OSBPL6: variants seen among roughly 807,000 people sequenced by gnomAD.
OSBPL6 encodes oxysterol-binding protein-related protein 6.
A neutral mutation model predicts 125.8 loss-of-function variants in OSBPL6; 49 were observed. The observed-to-expected ratio is 0.39, with a 90% CI of 0.31 to 0.49. The LOEUF (loss-of-function observed/expected upper bound fraction) is 0.49. Ranked by LOEUF, OSBPL6 falls within the 20% of genes least tolerant of loss-of-function variation. The pLI is 0.88. For synonymous variants in OSBPL6, 394 were observed against 391.8 expected (o/e 1.01, Z -0.07); for missense variants, 986 against 1,135.4 (o/e 0.87, Z 1.89).
chr2:178,248,379 A>C, intron 1 of OSBPL6, among the ~76,000 whole-genome samples: 1 of 152,362 alleles, frequency 6.6e-6, no homozygotes, highest in Non-Finnish European at 1.5e-5. Context: ...GAATATTTAC[A>C]AACTTAAAAG....
intron 1 of OSBPL6, among the ~76,000 whole-genome samples, chr2:178,275,852 A>G (rs1453244048): frequency 1.3e-5 from 2 of 152,190 alleles, no homozygotes; most frequent in Non-Finnish European, 2.9e-5. Context: ...TGAACACTTT[A>G]CATGCATTAA....
intron 1 of OSBPL6, among the ~76,000 whole-genome samples, chr2:178,245,048 G>T (rs1344691756): frequency 6.6e-6 from 1 of 152,172 alleles, no homozygotes; most frequent in Non-Finnish European, 1.5e-5. Flanking sequence ...AATGTAAAAT[G>T]ACACGATGGA....
At chr2:178,274,029 G>C (rs894796131) in intron 1 of OSBPL6, among the ~76,000 whole-genome samples, 1 of 152,094 alleles carries the variant, frequency 6.6e-6, no homozygotes, top group Admixed American at 6.6e-5. Flanking sequence ...CATTGGGCAC[G>C]TGGTAAGCAA....
Position 178,249,834 on chromosome 2 carries a change from T to G in OSBPL6, c.-350-35093T>G, listed in dbSNP as rs1483202666. ...AAATCCCTAACTAGAAGTGTTTTTT[T>G]TTTTTTTTTTTGGAATCTTATATTA... On this transcript the variant is annotated intron_variant, in intron 1 of 24. Transcript: ENST00000190611. Among the ~76,000 whole-genome samples the G allele has an allele frequency of 4.6e-5, 7 of 151,748 alleles. No individual in the cohort carries two copies. The South Asian group carries it at 8.3e-4, about 18-fold the overall frequency.
chr2:178,368,900 G>T (rs987502662), intron 13 of OSBPL6, among the ~76,000 whole-genome samples: 10 of 151,486 alleles, frequency 6.6e-5, no homozygotes, highest in Admixed American at 2.0e-4. Context: ...GAGTTAAAGT[G>T]ATTCTCCTAC....
intron 1 of OSBPL6, among the ~76,000 whole-genome samples, chr2:178,233,414 CTG>C (rs1226001003): frequency 1.3e-5 from 2 of 152,194 alleles, no homozygotes; most frequent in Admixed American, 1.3e-4. Flanking sequence ...GCTGCATCCT[CTG>C]TGTTTGCTGA....
At chr2:178,204,741 G>A (rs2089443957) in intron 1 of OSBPL6, among the ~76,000 whole-genome samples, 1 of 152,158 alleles carries the variant, frequency 6.6e-6, no homozygotes, top group Admixed American at 6.5e-5. Context: ...GAGGGATTGT[G>A]GTAAAAGTTA....
At chr2:178,276,998 G>C (rs2092483475) in intron 1 of OSBPL6, among the ~76,000 whole-genome samples, 1 of 152,086 alleles carries the variant, frequency 6.6e-6, no homozygotes, top group Non-Finnish European at 1.5e-5. Context: ...TTTATATATT[G>C]TCTGTGGCTC....
chr2:178,387,177 CT>C, intron 20 of OSBPL6, 38 bp downstream of exon 20: 1 of 1,473,690 alleles, frequency 6.8e-7, no homozygotes, highest in Non-Finnish European at 9.5e-7. Flanking sequence ...CTCTTGTCTG[CT>C]TTTCTAAATC....
intron 1 of OSBPL6, among the ~76,000 whole-genome samples, chr2:178,198,617 CATAAATAAATAAATAA>C (rs35367535): frequency 1.5e-5 from 2 of 137,346 alleles, no homozygotes; most frequent in East Asian, 2.1e-4. Flanking sequence ...GACTCCATCT[CATAAATAAATAAATAA>C]ATAAATAAAT....
intron 3 of OSBPL6, among the ~76,000 whole-genome samples, chr2:178,323,374 C>A (rs1253718116): frequency 6.6e-6 from 1 of 152,026 alleles, no homozygotes; most frequent in African/African-American, 2.4e-5. Context: ...AGACACCTAC[C>A]GTTTATGGTA....
At chr2:178,368,536 A>G (rs1243556505) in intron 13 of OSBPL6, among the ~76,000 whole-genome samples, 1 of 152,220 alleles carries the variant, frequency 6.6e-6, no homozygotes, top group Non-Finnish European at 1.5e-5. Flanking sequence ...TCTAAAAGTG[A>G]TTAAAATAAG....
rs1389710524 is a variant in OSBPL6 at position 178,402,512 on chromosome 2, G to A, written c.*6953G>A. The A allele has an allele frequency of 1.3e-5, 2 of 152,130 alleles. No individual in the cohort carries two copies. Among genetic ancestry groups the A allele is most frequent in the Non-Finnish European group, 2.9e-5 (2 of 68,030 alleles). 9.4% of individuals were successfully genotyped at this position (152,130 alleles called of 1,614,324 possible). ...TCTTGATCACCTACTTAACAAGAAG[G>A]TCTAGCAGGACATTCTTGATCCAGG... On this transcript the variant is annotated 3_prime_UTR_variant, in exon 25 of 25. Transcript: ENST00000190611.
intron 15 of OSBPL6, among the ~76,000 whole-genome samples, chr2:178,380,978 G>A (rs144769045): frequency 3.9e-5 from 6 of 152,270 alleles, no homozygotes; most frequent in South Asian, 2.1e-4. Flanking sequence ...AAAATGTTAC[G>A]TGGTTTCCTA....
intron 8 of OSBPL6, among the ~76,000 whole-genome samples, chr2:178,335,681 GT>G: frequency 6.6e-6 from 1 of 152,142 alleles, no homozygotes; most frequent in East Asian, 1.9e-4. Flanking sequence ...TTTTTTCACT[GT>G]TTCCTGCAGG....
chr2:178,345,184 T>G (rs1404501606), intron 11 of OSBPL6, among the ~76,000 whole-genome samples: 1 of 152,230 alleles, frequency 6.6e-6, no homozygotes, highest in Non-Finnish European at 1.5e-5. Context: ...AAATATAGAT[T>G]ACTGAGTTCA....
At chr2:178,266,828 T>G (rs995148367) in intron 1 of OSBPL6, among the ~76,000 whole-genome samples, 2 of 152,192 alleles carry the variant, frequency 1.3e-5, no homozygotes, top group African/African-American at 4.8e-5. Context: ...CATTGTGGGG[T>G]CCAAGCTTTT....
At chr2:178,338,958 T>G in intron 9 of OSBPL6, 33 bp from the exon 10 acceptor site, 1 of 1,525,986 alleles carries the variant, frequency 6.6e-7, no homozygotes, top group Non-Finnish European at 9.0e-7. Flanking sequence ...CCTACCCAAT[T>G]TTAACGTATT....
Position 178,339,748 on chromosome 2 carries a change from CA to C in OSBPL6, c.976del (p.Ile326TyrfsTer55). On this transcript the variant is annotated frameshift_variant, in exon 11 of 25. Coordinates refer to ENST00000190611, the MANE Select transcript of OSBPL6 (RefSeq NM_032523.4). LOFTEE classifies it high-confidence loss of function. ...RWRTKSVSKD[T>X]KIQLQVPFSA... ...AGAACAAAAAGTGTCAGCAAAGATA[CA>C]AAAATACAACTGCAGGTACAGATTT... 1 of 1,601,696 alleles carries C rather than the reference CA, an allele frequency of 6.2e-7. No homozygotes were observed. The highest frequency in any genetic ancestry group is 1.1e-5 in the South Asian group (1 of 88,792).
Sources: gnomAD v4.1 joint callset for allele counts (sites outside exome capture counted in the v4.1 genomes callset) on GRCh38, gnomAD v4.1.1 for gene constraint, MANE v1.5 for transcripts, NCBI Gene and HGNC (gene_info 2026-07-23, HGNC 2026-07-21) for gene names.